The following SMOC2 variants were observed in gnomAD, a reference collection of about 807,000 sequenced individuals.
SMOC2 encodes SPARC-related modular calcium-binding protein 2.
In SMOC2, 39 loss-of-function variants were observed where a neutral mutation model predicts 61.4. The observed-to-expected ratio is 0.64, with a 90% CI of 0.49 to 0.83. The LOEUF is 0.83. Among genes scored for constraint, SMOC2 ranks in the 40% least tolerant of loss-of-function variants. The pLI, the probability that SMOC2 is intolerant of heterozygous loss-of-function variation, is 0.00. For missense variants in SMOC2, 556 were observed against 592.9 expected (o/e 0.94, Z 0.65); for synonymous variants, 247 against 239.9 (o/e 1.03, Z -0.27).
chr6:168,601,046 A>G (rs868851511), intron 8 of SMOC2, among the ~76,000 whole-genome samples: 8 of 152,278 alleles, frequency 5.3e-5, no homozygotes, highest in Admixed American at 3.3e-4. Flanking sequence ...GATCTCTTAA[A>G]TGTTATCAAA....
At chr6:168,524,580 C>T (rs143596643) in intron 2 of SMOC2, among the ~76,000 whole-genome samples, 8 of 152,318 alleles carry the variant, frequency 5.3e-5, no homozygotes, top group African/African-American at 1.7e-4. Flanking sequence ...ATCTGTACCT[C>T]GTGGAGACCT....
chr6:168,499,082 A>G (rs1441018693), intron 1 of SMOC2, among the ~76,000 whole-genome samples: 1 of 133,646 alleles, frequency 7.5e-6, no homozygotes, highest in Non-Finnish European at 1.6e-5. Context: ...TCTACTACAC[A>G]TGGAAACCCT....
At chr6:168,653,356 T>A in intron 11 of SMOC2, 128 bp downstream of exon 11, 1 of 1,110,490 alleles carries the variant, frequency 9.0e-7, no homozygotes, top group Admixed American at 2.6e-5. Context: ...ATATGCTGTT[T>A]AATTGTTGGG....
intron 2 of SMOC2, among the ~76,000 whole-genome samples, chr6:168,514,416 A>G (rs1209501585): frequency 1.3e-5 from 2 of 152,228 alleles, no homozygotes; most frequent in Non-Finnish European, 2.9e-5. Context: ...TCACCCAGGA[A>G]ACCGCAGGGC....
intron 11 of SMOC2, among the ~76,000 whole-genome samples, 185 bp from the exon 12 acceptor site, chr6:168,663,889 G>A (rs759278057): frequency 6.6e-6 from 1 of 151,978 alleles, no homozygotes; most frequent in Non-Finnish European, 1.5e-5. Context: ...GATATGCAGG[G>A]GTCCTGGAAC....
intron 7 of SMOC2, among the ~76,000 whole-genome samples, chr6:168,571,061 G>A (rs1282191024): frequency 7.2e-5 from 11 of 152,154 alleles, no homozygotes; most frequent in Admixed American, 3.3e-4. Context: ...TGACAGTGGC[G>A]CATGGCCTGA....
intron 9 of SMOC2, among the ~76,000 whole-genome samples, chr6:168,637,415 C>T (rs1786767368): frequency 6.6e-6 from 1 of 152,170 alleles, no homozygotes; most frequent in African/African-American, 2.4e-5. Flanking sequence ...TGCTCATCAC[C>T]TTATTGTGAC....
intron 1 of SMOC2, among the ~76,000 whole-genome samples, chr6:168,496,283 C>T (rs1215521619): frequency 1.3e-5 from 2 of 152,128 alleles, no homozygotes; most frequent in East Asian, 3.9e-4. Context: ...GCTTGCCCTG[C>T]AATCCCTGTT....
intron 1 of SMOC2, among the ~76,000 whole-genome samples, chr6:168,456,078 C>G (rs61638724): frequency 1.3e-5 from 2 of 152,210 alleles, no homozygotes; most frequent in Non-Finnish European, 2.9e-5. Flanking sequence ...GCGGAGTGGG[C>G]GTGGGGGCAC....
chr6:168,609,898 A>G (rs1785812067), intron 9 of SMOC2, among the ~76,000 whole-genome samples: 1 of 152,180 alleles, frequency 6.6e-6, no homozygotes, highest in African/African-American at 2.4e-5. Flanking sequence ...TACGAGTGCA[A>G]TTTATGGAAG....
chr6:168,494,043 T>C (rs1782531098), intron 1 of SMOC2, among the ~76,000 whole-genome samples: 1 of 152,230 alleles, frequency 6.6e-6, no homozygotes, highest in Non-Finnish European at 1.5e-5. Context: ...GATCCTGAAG[T>C]CTTTTCTCTG....
intron 2 of SMOC2, among the ~76,000 whole-genome samples, chr6:168,521,007 T>C (rs1020681941): frequency 6.6e-6 from 1 of 152,240 alleles, no homozygotes; most frequent in Non-Finnish European, 1.5e-5. Context: ...TCTTGCCTAA[T>C]CCTGTTTTGA....
Position 168,650,732 on chromosome 6 carries a change from TGTCCACGGACATG to T in SMOC2, c.967_979del (p.Asp323ProfsTer21). 2 of 1,613,796 alleles carry T rather than the reference TGTCCACGGACATG, an allele frequency of 1.2e-6. No homozygotes were observed. The highest frequency in any genetic ancestry group is 1.7e-6 in the Non-Finnish European group (2 of 1,180,016). ...TTTCTGACCAGCGTTCTGGACGCGC[TGTCCACGGACATG>T]GTCCACGCCGCCTCCGACCCCTCCT... is the stretch of plus-strand genomic sequence containing the variant. On this transcript the variant is annotated frameshift_variant, in exon 10 of 13. Transcript: ENST00000356284. LOFTEE classifies it high-confidence loss of function.
chr6:168,480,453 C>G (rs1293237171), intron 1 of SMOC2, among the ~76,000 whole-genome samples: 2 of 151,888 alleles, frequency 1.3e-5, no homozygotes, highest in Non-Finnish European at 2.9e-5. Context: ...AATTCTGAAG[C>G]TGGAAAGTAA....
At chr6:168,590,582 C>G (rs79395898) in intron 7 of SMOC2, among the ~76,000 whole-genome samples, 32,157 of 151,872 alleles carry the variant, frequency 0.21, 3,793 homozygotes, top group South Asian at 0.28. Context: ...AGCCCCTAAG[C>G]GTGTGAGCTT....
chr6:168,578,378 A>C (rs1016144969), intron 7 of SMOC2, among the ~76,000 whole-genome samples: 6 of 152,224 alleles, frequency 3.9e-5, no homozygotes, highest in African/African-American at 1.2e-4. Flanking sequence ...TTGGAGCTGG[A>C]AAGTGCTGTC....
At chr6:168,613,596 A>G (rs1785949816) in intron 9 of SMOC2, among the ~76,000 whole-genome samples, 1 of 152,062 alleles carries the variant, frequency 6.6e-6, no homozygotes, top group Admixed American at 6.5e-5. Context: ...GGCATGGCAC[A>G]GTGCCTCTTC....
rs148533878 is a variant in SMOC2 at position 168,603,382 on chromosome 6, G to A, written c.824+4378G>A. On this transcript the variant is annotated intron_variant, in intron 8 of 12. Coordinates refer to ENST00000356284, the MANE Select transcript of SMOC2 (RefSeq NM_001166412.2). ...GCTGGTGGAAGCCAGAGAACAGAGC[G>A]GGTCCACTCACAATGGGGTTGGAAC... 2.3e-3 allele frequency among the ~76,000 whole-genome samples: 356 copies of A among 151,944 alleles called. 2 individuals are homozygous for A. Among genetic ancestry groups the A allele is most frequent in the Middle Eastern group, 0.01 (3 of 294 alleles).
chr6:168,587,296 G>A (rs182857402), intron 7 of SMOC2, among the ~76,000 whole-genome samples: 1 of 152,310 alleles, frequency 6.6e-6, no homozygotes, highest in African/African-American at 2.4e-5. Context: ...TGACACTGTT[G>A]TGAACCCAAA....
Sources: allele counts gnomAD v4.1 joint callset (sites outside exome capture counted in the v4.1 genomes callset), GRCh38; gene constraint gnomAD v4.1.1; transcripts MANE v1.5; gene names NCBI Gene and HGNC (gene_info 2026-07-23, HGNC 2026-07-21).